PRR16: variants seen among roughly 807,000 people sequenced by gnomAD.
PRR16 encodes the protein protein Largen.
Under a neutral mutation model 18.2 loss-of-function variants are expected in PRR16, and 6 were observed. The ratio of observed to expected loss-of-function variants is 0.33; its 90% CI spans 0.18 to 0.65. The LOEUF is 0.65. Among genes scored for constraint, PRR16 ranks in the 30% least tolerant of loss-of-function variants. The probability of loss-of-function intolerance (pLI) is 0.74; values close to 1 mark genes in which losing one functional copy is unlikely to be tolerated. For synonymous variants in PRR16, 151 were observed against 147.8 expected (o/e 1.02, Z -0.16); for missense variants, 412 against 376.6 (o/e 1.09, Z -0.78).
At chr5:120,487,203 T>C (rs1485305538) in intron 1 of PRR16, among the ~76,000 whole-genome samples, 1 of 152,244 alleles carries the variant, frequency 6.6e-6, no homozygotes, top group Non-Finnish European at 1.5e-5. Flanking sequence ...GGTAGCTTGA[T>C]AGGGATGGCA....
rs1159063354 is a variant in PRR16 at position 120,686,644 on chromosome 5, C to A, written c.850C>A (p.Pro284Thr). The change falls in exon 2 of 2, where the codon CCT becomes ACT. Residue 284 changes from proline to threonine, a missense_variant. Physicochemically the swap from Pro to Thr is conservative, Grantham distance 38. Transcript: ENST00000407149. Reference sequence around the variant, plus strand: ...CCCCCCTATCAGACCTGCAACTGTGCCTCCTCCCACTGCACCAAAACCACA... The same window carrying A: ...CCCCCCTATCAGACCTGCAACTGTGACTCCTCCCACTGCACCAAAACCACA... ...SFPPIRPATV[P>T]PPTAPKPQKT... 7 of 1,596,420 alleles carry A rather than the reference C, an allele frequency of 4.4e-6. No homozygotes were observed. In the East Asian group the frequency reaches 1.3e-4, roughly 31 times the overall value.
Position 120,519,110 on chromosome 5 carries a change from T to G in PRR16, c.159+54465T>G, listed in dbSNP as rs560108240. Among the ~76,000 whole-genome samples, 6 of 152,178 alleles carry G rather than the reference T, an allele frequency of 3.9e-5. No homozygotes were observed. The East Asian group carries it at 9.7e-4, about 25-fold the overall frequency. ...CCTGCAAGGAGGGAGTATACCTTCT[T>G]ATTTCCCAATAGATCATTGAGTTTG... On this transcript the variant is annotated intron_variant, in intron 1 of 1. Transcript: ENST00000407149.
intron 1 of PRR16, among the ~76,000 whole-genome samples, chr5:120,661,403 G>C (rs1382836743): frequency 6.6e-6 from 1 of 151,988 alleles, no homozygotes; most frequent in East Asian, 1.9e-4. Context: ...TAATTTCTTA[G>C]TGGCAATTGT....
chr5:120,759,349 T>C, the PRR16 span, among the ~76,000 whole-genome samples: 1 of 152,142 alleles, frequency 6.6e-6, no homozygotes, highest in African/African-American at 2.4e-5. Flanking sequence ...TTTAGTGCTA[T>C]ATTAAAATCT....
intron 1 of PRR16, among the ~76,000 whole-genome samples, chr5:120,512,161 C>T (rs565285745): frequency 1.2e-5 from 1 of 80,022 alleles, no homozygotes; most frequent in South Asian, 3.0e-4. Flanking sequence ...TCCTGGAATC[C>T]CCATCCATTG....
At chr5:120,509,666 A>G (rs1432842031) in intron 1 of PRR16, among the ~76,000 whole-genome samples, 2 of 152,094 alleles carry the variant, frequency 1.3e-5, no homozygotes, top group South Asian at 2.1e-4. Flanking sequence ...CGAATTTTCA[A>G]TTGTCTTTTG....
the PRR16 span, among the ~76,000 whole-genome samples, chr5:120,700,821 G>A: frequency 6.6e-6 from 1 of 152,156 alleles, no homozygotes; most frequent in Non-Finnish European, 1.5e-5. Context: ...GATGGTCTAG[G>A]GGGCTTCCGA....
At chr5:120,480,211 G>A (rs1169867069) in intron 1 of PRR16, among the ~76,000 whole-genome samples, 1 of 152,108 alleles carries the variant, frequency 6.6e-6, no homozygotes. Flanking sequence ...GGAGGCAGAG[G>A]TTGCAGTGAG....
Position 120,686,741 on chromosome 5 carries a change from T to A in PRR16, c.*32T>A. Reference sequence around the variant, plus strand: ...CCATTAAAAAAATTGTTTTTTTAATTTTCTATATTATAAACATAAAATAAG... The same window carrying A: ...CCATTAAAAAAATTGTTTTTTTAATATTCTATATTATAAACATAAAATAAG... On this transcript the variant is annotated 3_prime_UTR_variant, in exon 2 of 2. Transcript: ENST00000407149. 1 of 1,384,766 alleles carries A rather than the reference T, an allele frequency of 7.2e-7. No individual in the cohort carries two copies. The highest frequency in any genetic ancestry group is 9.5e-7 in the Non-Finnish European group (1 of 1,051,950). The allele number at this position is 1,384,766 out of a possible 1,614,324, so 85.8% of individuals were successfully genotyped here.
intron 1 of PRR16, among the ~76,000 whole-genome samples, chr5:120,675,241 G>A (rs1314231822): frequency 6.6e-6 from 1 of 152,200 alleles, no homozygotes; most frequent in African/African-American, 2.4e-5. Flanking sequence ...TGAAAAAAAT[G>A]GAGAGCTTTA....
chr5:120,553,306 T>G (rs967852152), intron 1 of PRR16, among the ~76,000 whole-genome samples: 2 of 151,838 alleles, frequency 1.3e-5, no homozygotes, highest in Non-Finnish European at 2.9e-5. Context: ...TCATGTTACA[T>G]AGGAAGGACT....
chr5:120,748,154 C>T, the PRR16 span, among the ~76,000 whole-genome samples: 1 of 151,854 alleles, frequency 6.6e-6, no homozygotes, highest in Non-Finnish European at 1.5e-5. Context: ...ATTAATATTG[C>T]CTTGAGAGAG....
chr5:120,607,868 C>T (rs187836049), intron 1 of PRR16, among the ~76,000 whole-genome samples: 1 of 151,674 alleles, frequency 6.6e-6, no homozygotes, highest in Admixed American at 6.6e-5. Flanking sequence ...CATTCTCACC[C>T]TTCTTTTTTT....
chr5:120,555,249 G>A (rs6883663), intron 1 of PRR16, among the ~76,000 whole-genome samples: 32,057 of 151,714 alleles, frequency 0.21, 3,505 homozygotes, highest in African/African-American at 0.22. Flanking sequence ...CATCCCATAG[G>A]TGTCATATAA....
intron 1 of PRR16, among the ~76,000 whole-genome samples, chr5:120,483,347 T>C (rs942367954): frequency 6.6e-6 from 1 of 152,180 alleles, no homozygotes; most frequent in Non-Finnish European, 1.5e-5. Context: ...CAGTTTGGAC[T>C]TGGTGAGCCC....
the PRR16 span, among the ~76,000 whole-genome samples, chr5:120,788,446 T>G: frequency 6.6e-6 from 1 of 152,140 alleles, no homozygotes; most frequent in Non-Finnish European, 1.5e-5. Context: ...AAGTCGGCTT[T>G]GTGTGTTTTT....
chr5:120,608,542 A>G (rs1029273161), intron 1 of PRR16, among the ~76,000 whole-genome samples: 7 of 152,228 alleles, frequency 4.6e-5, no homozygotes, highest in Non-Finnish European at 1.0e-4. Flanking sequence ...TTAACAGTCC[A>G]AATGTTGCAA....
chr5:120,633,639 T>C (rs1755131760), intron 1 of PRR16, among the ~76,000 whole-genome samples: 1 of 152,162 alleles, frequency 6.6e-6, no homozygotes, highest in Non-Finnish European at 1.5e-5. Flanking sequence ...GGACATTATA[T>C]AATGATAAAA....
chr5:120,737,629 T>C, the PRR16 span, among the ~76,000 whole-genome samples: 1 of 151,716 alleles, frequency 6.6e-6, no homozygotes, highest in African/African-American at 2.4e-5. Context: ...CCTCTCTTAG[T>C]TTTTTCTTTC....
Sources: gnomAD v4.1 joint callset for allele counts (sites outside exome capture counted in the v4.1 genomes callset) on GRCh38, gnomAD v4.1.1 for gene constraint, MANE v1.5 for transcripts, NCBI Gene and HGNC (gene_info 2026-07-23, HGNC 2026-07-21) for gene names.